The following ALX4 variants were observed in gnomAD, a reference collection of about 807,000 sequenced individuals.
The protein encoded by ALX4 is homeobox protein aristaless-like 4.
In ALX4, 22 loss-of-function variants were observed where a neutral mutation model predicts 40.6. The ratio of observed to expected loss-of-function variants is 0.54; its 90% CI spans 0.39 to 0.77. ALX4 has a LOEUF of 0.77. ALX4 is among the 30% of genes least tolerant of loss of function. The pLI is 0.00. For synonymous variants in ALX4, 266 were observed against 240.5 expected (o/e 1.11, Z -0.98); for missense variants, 556 against 564.8 (o/e 0.98, Z 0.16).
At chr11:44,293,588 A>G (rs1342518592) in intron 1 of ALX4, among the ~76,000 whole-genome samples, 1 of 152,208 alleles carries the variant, frequency 6.6e-6, no homozygotes, top group East Asian at 1.9e-4. Context: ...GTGTAGCACA[A>G]AACTGGGCTC....
chr11:44,289,161 G>T (rs79529944), intron 1 of ALX4, among the ~76,000 whole-genome samples: 74 of 152,300 alleles, frequency 4.9e-4, no homozygotes, highest in African/African-American at 1.8e-3. Flanking sequence ...TGGTTGAAAA[G>T]GTCGGAGAAG....
Position 44,275,566 on chromosome 11 carries a change from C to T in ALX4, c.559G>A (p.Val187Met), listed in dbSNP as rs1433726843. ...CTGGCCCGGTCCTGGGGCCCCTTCA[C>T]CCCAGCCTCCTTGACACTCAGGTAG... ...SSYLSVKEAG[V>M]KGPQDRASSD... The change falls in exon 2 of 4, where the codon GTG (valine) becomes ATG (methionine). Residue 187 changes from valine (V) to methionine (M), a missense_variant. Transcript: ENST00000652299. 2.5e-6 allele frequency: 4 copies of T among 1,614,048 alleles called. No homozygotes were observed. Among genetic ancestry groups the T allele is most frequent in the African/African-American group, 2.7e-5 (2 of 74,936 alleles).
intron 1 of ALX4, among the ~76,000 whole-genome samples, chr11:44,280,384 G>T (rs1956302717): frequency 6.6e-6 from 1 of 152,206 alleles, no homozygotes; most frequent in Admixed American, 6.5e-5. Flanking sequence ...CTCTCAGTTT[G>T]CCTGGATGCT....
chr11:44,270,747 C>T (rs185589571), intron 2 of ALX4, among the ~76,000 whole-genome samples: 31 of 152,308 alleles, frequency 2.0e-4, no homozygotes, highest in Middle Eastern at 3.4e-3. Context: ...ACTGTTCTCC[C>T]GGTCTGAATG....
In ALX4 at chr11:44,310,058, T is replaced by C. The variant is rs778621319; in HGVS notation, c.5A>G (p.Asn2Ser). 8.2e-6 allele frequency: 13 copies of C among 1,591,174 alleles called. No homozygotes were observed. In the East Asian group the frequency reaches 2.7e-4, roughly 33 times the overall value. The change falls in exon 1 of 4, where the codon AAT (asparagine) becomes AGT (serine). Residue 2 changes from asparagine to serine, a missense_variant. Transcript: ENST00000652299. ...GCAGTAAGAGACGCAAGTCTCAGCA[T>C]TCATGCCTGGCTTGCGCAGGCGGCG... MNAETCVSYCES... is the reference protein window; with the variant it reads MSAETCVSYCES...
chr11:44,272,428 C>G (rs567812461), intron 2 of ALX4, among the ~76,000 whole-genome samples: 1 of 151,800 alleles, frequency 6.6e-6, no homozygotes, highest in African/African-American at 2.4e-5. Flanking sequence ...CGCTTGAACC[C>G]GGGAGGCAGA....
At chr11:44,305,425 C>T (rs1956460695) in intron 1 of ALX4, among the ~76,000 whole-genome samples, 1 of 152,196 alleles carries the variant, frequency 6.6e-6, no homozygotes, top group African/African-American at 2.4e-5. Flanking sequence ...CAAAATTAAA[C>T]AACAGTCGCC....
At chr11:44,303,646 C>T in intron 1 of ALX4, among the ~76,000 whole-genome samples, 1 of 152,182 alleles carries the variant, frequency 6.6e-6, no homozygotes, top group East Asian at 1.9e-4. Context: ...TCTCTTTCCT[C>T]GGCGCTGGCT....
chr11:44,291,840 A>G (rs1431593413), intron 1 of ALX4, among the ~76,000 whole-genome samples: 1 of 152,172 alleles, frequency 6.6e-6, no homozygotes, highest in African/African-American at 2.4e-5. Flanking sequence ...ATTTATAGAG[A>G]CGGAGTCTCG....
At chr11:44,268,576 T>C (rs7108942) in intron 2 of ALX4, among the ~76,000 whole-genome samples, 108,714 of 151,976 alleles carry the variant, frequency 0.72, 39,636 homozygotes, top group East Asian at 0.87. Flanking sequence ...GGGTTTTTGG[T>C]GACGGGGAGT....
Position 44,309,699 on chromosome 11 carries a change from G to T in ALX4, c.364C>A (p.Leu122Ile). The T allele has an allele frequency of 6.3e-7, 1 of 1,588,452 alleles. No homozygotes were observed. The highest frequency in any genetic ancestry group is 8.5e-7 in the Non-Finnish European group (1 of 1,170,134). The change falls in exon 1 of 4, where the codon CTT (leucine) becomes ATT (isoleucine). Residue 122 changes from leucine (L) to isoleucine (I), a missense_variant. Leu to Ile is a conservative substitution (Grantham distance 5, BLOSUM62 2). Transcript: ENST00000652299. ...TTGCAGGCGCCTCGCTGCAAGTAAA[G>T]ATGCGGTTGCGCGGGCGGCTGGGGC... ...PQPQPPAQPH[L>I]YLQRGACKTP...
chr11:44,265,589 G>A (rs1465596361), intron 3 of ALX4, among the ~76,000 whole-genome samples: 1 of 152,152 alleles, frequency 6.6e-6, no homozygotes, highest in Non-Finnish European at 1.5e-5. Flanking sequence ...ACCTGAGCAA[G>A]GTGAGCAGAC....
At chr11:44,276,248 C>A (rs1483108320) in intron 1 of ALX4, among the ~76,000 whole-genome samples, 1 of 152,232 alleles carries the variant, frequency 6.6e-6, no homozygotes, top group Non-Finnish European at 1.5e-5. Flanking sequence ...TCCCTGCCCC[C>A]CAACCCTGCA....
At chr11:44,267,208 C>T (rs1040277431) in intron 3 of ALX4, among the ~76,000 whole-genome samples, 9 of 152,162 alleles carry the variant, frequency 5.9e-5, no homozygotes, top group East Asian at 1.9e-4. Context: ...GCCTTGGTTC[C>T]GATGCCCACA....
intron 1 of ALX4, among the ~76,000 whole-genome samples, chr11:44,305,286 T>C (rs1373751144): frequency 6.6e-6 from 1 of 152,240 alleles, no homozygotes; most frequent in Non-Finnish European, 1.5e-5. Flanking sequence ...ACTTAAAATA[T>C]TGAGTTTTAA....
chr11:44,309,703 C>G lies in ALX4; in HGVS notation c.360G>C (p.Pro120=). The part of the protein sequence containing the change: ...QQPQPQPPAQ[P]HLYLQRGACK... Reference sequence around the variant, plus strand: ...AGGCGCCTCGCTGCAAGTAAAGATGCGGTTGCGCGGGCGGCTGGGGCTGCG... The same window carrying G: ...AGGCGCCTCGCTGCAAGTAAAGATGGGGTTGCGCGGGCGGCTGGGGCTGCG... The change falls in exon 1 of 4, where the codon CCG becomes CCC. Residue 120 remains proline, a synonymous_variant. Transcript: ENST00000652299. The G allele has an allele frequency of 6.3e-7, 1 of 1,582,822 alleles. No individual in the cohort carries two copies. The highest frequency in any genetic ancestry group is 8.6e-7 in the Non-Finnish European group (1 of 1,167,184).
chr11:44,308,943 C>A (rs1268428424), intron 1 of ALX4, among the ~76,000 whole-genome samples: 2 of 152,252 alleles, frequency 1.3e-5, no homozygotes, highest in Non-Finnish European at 2.9e-5. Flanking sequence ...TCCCAGGACT[C>A]GGGTCTTGCC....
chr11:44,303,226 T>A (rs1167741451), intron 1 of ALX4, among the ~76,000 whole-genome samples: 1 of 152,184 alleles, frequency 6.6e-6, no homozygotes, highest in Non-Finnish European at 1.5e-5. Context: ...CCAACATCCA[T>A]GCTGGGCCTC....
At chr11:44,308,778 A>G (rs539325835) in intron 1 of ALX4, among the ~76,000 whole-genome samples, 89 of 152,294 alleles carry the variant, frequency 5.8e-4, no homozygotes, top group African/African-American at 1.7e-3. Flanking sequence ...CTCTCTTGCC[A>G]CAGCTCTGGG....
Sources: gnomAD v4.1 joint callset for allele counts (sites outside exome capture counted in the v4.1 genomes callset) on GRCh38, gnomAD v4.1.1 for gene constraint, MANE v1.5 for transcripts, NCBI Gene and HGNC (gene_info 2026-07-23, HGNC 2026-07-21) for gene names.